Variants in LIAT1 observed in about 807,000 individuals in gnomAD.
LIAT1 encodes the protein protein LIAT1.
chr17:410,563 C>T, the LIAT1 span: 258 of 1,546,716 alleles, frequency 1.7e-4, no homozygotes, highest in Non-Finnish European at 2.1e-4. Flanking sequence ...CCCCCCATCA[C>T]AGGCGGCGCC....
the LIAT1 span, chr17:410,709 A>C: frequency 6.9e-7 from 1 of 1,445,934 alleles, no homozygotes; most frequent in Non-Finnish European, 9.3e-7. Context: ...TTGGGGACCC[A>C]CCCCCCATTT....
the LIAT1 span, chr17:410,376 G>C: frequency 1.3e-6 from 2 of 1,517,996 alleles, no homozygotes; most frequent in East Asian, 4.9e-5. Flanking sequence ...GGCGGTCCGC[G>C]CTGAGAGTCG....
At chr17:410,387 C>CCGATTAGT in the LIAT1 span, 1 of 1,523,780 alleles carries the variant, frequency 6.6e-7, no homozygotes, top group East Asian at 2.5e-5. Flanking sequence ...CTGAGAGTCG[C>CCGATTAGT]CGATTAGTCG....
the LIAT1 span, chr17:410,622 A>C: frequency 6.5e-7 from 1 of 1,542,220 alleles, no homozygotes; most frequent in Non-Finnish European, 8.7e-7. Context: ...GAAGAAGAAG[A>C]CCAAGGGGTC....
the LIAT1 span, among the ~76,000 whole-genome samples, chr17:411,985 C>T: frequency 1.3e-5 from 2 of 152,150 alleles, no homozygotes; most frequent in African/African-American, 4.8e-5. Flanking sequence ...CCATATGGAC[C>T]GTGCAGTGTG....
chr17:410,547 A>G, the LIAT1 span: 4 of 1,546,808 alleles, frequency 2.6e-6, no homozygotes, highest in Admixed American at 7.8e-5. Context: ...GCGGGGGTCT[A>G]GACTGCCCCC....
At chr17:412,605 A>T in the LIAT1 span, among the ~76,000 whole-genome samples, 1 of 152,210 alleles carries the variant, frequency 6.6e-6, no homozygotes, top group Non-Finnish European at 1.5e-5. Flanking sequence ...GCCATACAGC[A>T]GAAGTATTTC....
chr17:410,508 G>T, the LIAT1 span: 3 of 1,545,142 alleles, frequency 1.9e-6, no homozygotes, highest in Non-Finnish European at 1.7e-6. Flanking sequence ...CGGCGAGGAG[G>T]AGGAGCGGGA....
the LIAT1 span, chr17:413,184 T>C: frequency 1.2e-6 from 2 of 1,613,980 alleles, no homozygotes; most frequent in Admixed American, 1.7e-5. Context: ...AGCCAGCCGC[T>C]TTCTTCCTCC....
the LIAT1 span, chr17:413,186 T>G: frequency 6.2e-7 from 1 of 1,614,212 alleles, no homozygotes. Context: ...CCAGCCGCTT[T>G]CTTCCTCCTT....
the LIAT1 span, chr17:414,453 A>G: frequency 4.0e-6 from 1 of 247,460 alleles, no homozygotes; most frequent in Admixed American, 5.1e-5. The surrounding 1 kb of genome is among the most constrained non-coding windows in gnomAD (Gnocchi z 4.1). Context: ...CTTAAGTCTC[A>G]ATCTCATGGT....
the LIAT1 span, among the ~76,000 whole-genome samples, chr17:412,195 A>T: frequency 6.6e-6 from 1 of 152,214 alleles, no homozygotes; most frequent in East Asian, 1.9e-4. Flanking sequence ...TTAGCTGGGC[A>T]TGGTGGCAGG....
At chr17:413,193 C>G in the LIAT1 span, 2 of 1,614,196 alleles carry the variant, frequency 1.2e-6, no homozygotes, top group Non-Finnish European at 1.7e-6. Flanking sequence ...CTTTCTTCCT[C>G]CTTTCATGAC....
chr17:412,463 A>T, the LIAT1 span, among the ~76,000 whole-genome samples: 1 of 152,218 alleles, frequency 6.6e-6, no homozygotes, highest in African/African-American at 2.4e-5. Context: ...GGGAAATGTC[A>T]AAAGATGATT....
the LIAT1 span, among the ~76,000 whole-genome samples, chr17:412,846 C>T: frequency 6.6e-6 from 1 of 152,260 alleles, no homozygotes; most frequent in Non-Finnish European, 1.5e-5. Flanking sequence ...TCGCTCATGA[C>T]ATTGGCAAGT....
chr17:411,568 C>T, the LIAT1 span, among the ~76,000 whole-genome samples: 15 of 152,158 alleles, frequency 9.9e-5, no homozygotes, highest in South Asian at 2.9e-3. Flanking sequence ...AGCACAGATC[C>T]CCCTCATGCA....
the LIAT1 span, chr17:410,752 C>A: frequency 9.0e-7 from 1 of 1,106,234 alleles, no homozygotes; most frequent in Admixed American, 2.4e-5. Context: ...GCTCAGTGGT[C>A]CCGGACCGAG....
chr17:411,587 C>T, the LIAT1 span, among the ~76,000 whole-genome samples: 6 of 152,192 alleles, frequency 3.9e-5, no homozygotes, highest in African/African-American at 1.2e-4. Context: ...CACACACATT[C>T]CTAGTCTACA....
chr17:413,326 C>T, the LIAT1 span: 2 of 1,614,260 alleles, frequency 1.2e-6, no homozygotes, highest in South Asian at 1.1e-5. Flanking sequence ...AAATAGAGAA[C>T]CTTGCGAATC....
Sources: gnomAD v4.1 joint callset for allele counts (sites outside exome capture counted in the v4.1 genomes callset) on GRCh38, gnomAD v4.1.1 for gene constraint, Gnocchi (gnomAD v3.1) non-coding constraint, MANE v1.5 for transcripts, NCBI Gene and HGNC (gene_info 2026-07-23, HGNC 2026-07-21) for gene names.